ACACA: variants seen among roughly 807,000 people sequenced by gnomAD.
ACACA encodes acetyl-CoA carboxylase 1.
ACACA carries 103 observed loss-of-function variants against 296.1 expected under a neutral mutation model. The ratio of observed to expected loss-of-function variants is 0.35; its 90% CI spans 0.30 to 0.41. ACACA has a LOEUF of 0.41. Among genes scored for constraint, ACACA ranks in the 10% least tolerant of loss-of-function variants. The pLI, the probability that ACACA is intolerant of heterozygous loss-of-function variation, is 1.00. For missense variants in ACACA, 1,554 were observed against 2,989.7 expected (o/e 0.52, Z 11.20); for synonymous variants, 953 against 1,038.6 (o/e 0.92, Z 1.58).
intron 3 of ACACA, among the ~76,000 whole-genome samples, chr17:37,319,598 G>A (rs2047250150): frequency 6.6e-6 from 1 of 152,098 alleles, no homozygotes; most frequent in Admixed American, 6.5e-5. Flanking sequence ...CAAAGTGGGA[G>A]GACCACTTGA....
At chr17:37,237,112 G>C (rs1251736146) in intron 24 of ACACA, among the ~76,000 whole-genome samples, 1 of 151,860 alleles carries the variant, frequency 6.6e-6, no homozygotes, top group Non-Finnish European at 1.5e-5. Flanking sequence ...TTTTGAACCT[G>C]AAAAAAATGG....
chr17:37,110,192 C>T (rs1357266385), intron 52 of ACACA, among the ~76,000 whole-genome samples: 2 of 152,214 alleles, frequency 1.3e-5, no homozygotes, highest in Admixed American at 6.5e-5. Flanking sequence ...GTAAACACAG[C>T]GGCAACAATT....
intron 3 of ACACA, among the ~76,000 whole-genome samples, chr17:37,322,342 C>G (rs1468347221): frequency 6.6e-6 from 1 of 152,134 alleles, no homozygotes; most frequent in Admixed American, 6.6e-5. Flanking sequence ...GTTAACCAAA[C>G]ATGCTTCATT....
chr17:37,218,738 T>C (rs1384371776), intron 29 of ACACA, among the ~76,000 whole-genome samples: 1 of 152,260 alleles, frequency 6.6e-6, no homozygotes, highest in Non-Finnish European at 1.5e-5. Context: ...GGTAGCCCTC[T>C]GTAACTTCTT....
At chr17:37,330,983 C>T (rs2047850888) in intron 2 of ACACA, among the ~76,000 whole-genome samples, 1 of 152,160 alleles carries the variant, frequency 6.6e-6, no homozygotes, top group Admixed American at 6.5e-5. Flanking sequence ...AATCATGGTT[C>T]ACTGCAGCCT....
intron 45 of ACACA, among the ~76,000 whole-genome samples, chr17:37,130,915 A>G (rs28729196): frequency 0.28 from 42,407 of 150,660 alleles, 7,455 homozygotes; most frequent in African/African-American, 0.48. Context: ...TTTTTATTAG[A>G]TTGGTGCAAA....
chr17:37,398,072 T>C (rs551237895), intron 1 of ACACA, among the ~76,000 whole-genome samples: 8 of 151,576 alleles, frequency 5.3e-5, no homozygotes, highest in African/African-American at 1.7e-4. Context: ...TTACTAAAAA[T>C]ACAAAAAATT....
intron 5 of ACACA, among the ~76,000 whole-genome samples, chr17:37,279,509 C>T (rs1487478761): frequency 2.0e-5 from 3 of 152,046 alleles, no homozygotes; most frequent in South Asian, 4.1e-4. Flanking sequence ...TGGCACAAGC[C>T]TGTAGTCCCA....
At chr17:37,224,475 T>C (rs756236852) in intron 27 of ACACA, among the ~76,000 whole-genome samples, 6 of 152,010 alleles carry the variant, frequency 3.9e-5, no homozygotes, top group Non-Finnish European at 5.9e-5. Flanking sequence ...TCCTTCTGAT[T>C]AGTAGTAAAA....
intron 45 of ACACA, among the ~76,000 whole-genome samples, chr17:37,134,650 C>T (rs921314096): frequency 6.6e-6 from 1 of 152,060 alleles, no homozygotes; most frequent in Admixed American, 6.5e-5. Context: ...CAGTCTTTTC[C>T]CCCTCTTTAA....
At chr17:37,274,688 G>C (rs1304818011) in intron 8 of ACACA, 1 of 985,152 alleles carries the variant, frequency 1.0e-6, no homozygotes, top group Non-Finnish European at 1.2e-6. Flanking sequence ...ATCTTTATGA[G>C]CCCTTGGAAA....
In ACACA at chr17:37,222,882, C is replaced by T. The variant is rs74665123; in HGVS notation, c.3564+630G>A. ...TGCTTAATGAGGTAGTGTGCTGTAG[C>T]GGAAACAGAAGTCTTTGGAGTCAGA... On this transcript the variant is annotated intron_variant, in intron 28 of 55. Transcript: ENST00000616317. Among the ~76,000 whole-genome samples the T allele has an allele frequency of 1.8e-3, 277 of 152,264 alleles. 3 individuals are homozygous for T. The East Asian group carries it at 0.026, about 14-fold the overall frequency.
rs767224988 is a variant in ACACA, at chr17:37,181,185, C to T, written c.4932+16G>A. The stretch of plus-strand genomic sequence containing the variant: ...CCTCCTTAGAACATGTCAGACCCTC[C>T]AGTTAGGCATCTTACCTGCCGAAAC... On this transcript the variant is annotated intron_variant, in intron 40 of 55. Coordinates refer to ENST00000616317, the MANE Select transcript of ACACA (RefSeq NM_198834.3). 8.1e-6 allele frequency: 13 copies of T among 1,614,022 alleles called. No individual in the cohort carries two copies. The highest frequency in any genetic ancestry group is 1.1e-5 in the Non-Finnish European group (13 of 1,179,896).
At chr17:37,107,898 T>G (rs956242372) in intron 52 of ACACA, among the ~76,000 whole-genome samples, 7 of 152,174 alleles carry the variant, frequency 4.6e-5, no homozygotes, top group Non-Finnish European at 1.0e-4. Flanking sequence ...GAGGCCAGGC[T>G]AGCAAGGCCG....
At chr17:37,220,411 G>T (rs1016983568) in intron 29 of ACACA, among the ~76,000 whole-genome samples, 4 of 152,168 alleles carry the variant, frequency 2.6e-5, no homozygotes, top group Non-Finnish European at 5.9e-5. Context: ...ACTGCCCTGA[G>T]AATTACAAAG....
chr17:37,100,944 A>G (rs540281112), intron 52 of ACACA, among the ~76,000 whole-genome samples: 1 of 152,270 alleles, frequency 6.6e-6, no homozygotes, highest in South Asian at 2.1e-4. Flanking sequence ...TAAAAATACA[A>G]AAATTAGCCA....
At chr17:37,143,980 T>C in intron 45 of ACACA, 1 of 867,232 alleles carries the variant, frequency 1.2e-6, no homozygotes, top group Non-Finnish European at 2.0e-6. Flanking sequence ...ATACTCAGAA[T>C]ACAACAGGAA....
At chr17:37,177,026 GA>G (rs2077141360) in intron 41 of ACACA, among the ~76,000 whole-genome samples, 1 of 151,734 alleles carries the variant, frequency 6.6e-6, no homozygotes, top group Non-Finnish European at 1.5e-5. Context: ...ACTAAGGAGG[GA>G]AAACTGTAGA....
intron 24 of ACACA, among the ~76,000 whole-genome samples, 160 bp downstream of exon 24, chr17:37,240,316 G>C (rs1411144524): frequency 6.6e-6 from 1 of 152,190 alleles, no homozygotes; most frequent in Non-Finnish European, 1.5e-5. Context: ...TGGATATAGA[G>C]GTTTAGTTTT....
Sources: gnomAD v4.1 joint callset for allele counts (sites outside exome capture counted in the v4.1 genomes callset) on GRCh38, gnomAD v4.1.1 for gene constraint, MANE v1.5 for transcripts, NCBI Gene and HGNC (gene_info 2026-07-23, HGNC 2026-07-21) for gene names.